The following PINX1 variants were observed in gnomAD, a reference collection of about 807,000 sequenced individuals.
PINX1 encodes PIN2 (TERF1) interacting telomerase inhibitor 1.
A neutral mutation model predicts 25.4 loss-of-function variants in PINX1; 34 were observed. The observed-to-expected ratio is 1.34, with a 90% CI of 1.02 to 1.78. The LOEUF is 1.78. PINX1 is among the 40% of genes most tolerant of loss of function. The pLI is 0.00. For synonymous variants in PINX1, 197 were observed against 147.7 expected (o/e 1.33, Z -2.42); for missense variants, 592 against 404.9 (o/e 1.46, Z -3.97).
intron 4 of PINX1, among the ~76,000 whole-genome samples, chr8:10,831,118 A>C (rs1172104674): frequency 6.6e-6 from 1 of 152,228 alleles, no homozygotes; most frequent in African/African-American, 2.4e-5. Flanking sequence ...ACCCTTACGA[A>C]AGAATGAGAG....
At chr8:10,814,994 C>T (rs779145210) in intron 6 of PINX1, among the ~76,000 whole-genome samples, 4 of 152,164 alleles carry the variant, frequency 2.6e-5, no homozygotes, top group Non-Finnish European at 5.9e-5. Flanking sequence ...GGCTGGAGTG[C>T]GATGGCGTGA....
At chr8:10,791,961 G>C (rs898467904) in intron 6 of PINX1, among the ~76,000 whole-genome samples, 18 of 152,138 alleles carry the variant, frequency 1.2e-4, no homozygotes, top group African/African-American at 4.3e-4. Context: ...TCTCCACAGA[G>C]GTGCCAGTTA....
intron 6 of PINX1, among the ~76,000 whole-genome samples, chr8:10,810,208 G>A (rs990385685): frequency 2.4e-4 from 36 of 152,322 alleles, no homozygotes; most frequent in African/African-American, 8.7e-4. Flanking sequence ...GGGGTTTGGA[G>A]GGGACACACG....
At chr8:10,833,061 C>T in intron 2 of PINX1, 77 bp from the exon 3 acceptor site, 1 of 849,830 alleles carries the variant, frequency 1.2e-6, no homozygotes, top group Non-Finnish European at 1.9e-6. Context: ...ACAAAACTCA[C>T]AGATGCCTAC....
chr8:10,792,108 G>A (rs1422759894), intron 6 of PINX1, among the ~76,000 whole-genome samples: 1 of 152,164 alleles, frequency 6.6e-6, no homozygotes, highest in East Asian at 1.9e-4. Flanking sequence ...TCTGGATAAA[G>A]GTCCAGCTAT....
chr8:10,834,599 G>A (rs1286943607), intron 2 of PINX1, 67 bp downstream of exon 2: 2 of 1,562,582 alleles, frequency 1.3e-6, no homozygotes, highest in African/African-American at 2.7e-5. Context: ...TCCTAAGAAG[G>A]AAGTTTTCCC....
rs192965317 is a variant in PINX1 at position 10,810,237 on chromosome 8, C to T, written c.471+9956G>A. On this transcript the variant is annotated intron_variant, in intron 6 of 6. Transcript: ENST00000314787. ...ACACACGTCCAAACCATATCAGAAGCCTTCAGACAAGACACTACTGTTTCC... is the reference window on the plus strand; with the variant it reads ...ACACACGTCCAAACCATATCAGAAGTCTTCAGACAAGACACTACTGTTTCC... Among the ~76,000 whole-genome samples, 3 of 152,322 alleles carry T rather than the reference C, an allele frequency of 2.0e-5. No homozygotes were observed. The East Asian group carries it at 5.8e-4, about 29-fold the overall frequency.
At chr8:10,839,610 C>CCATGCG in intron 1 of PINX1, 128 bp downstream of exon 1, 3 of 950,266 alleles carry the variant, frequency 3.2e-6, no homozygotes, top group Non-Finnish European at 4.9e-6. Context: ...GGCTCGGCTC[C>CCATGCG]CCGGTCCCCC....
At chr8:10,837,614 A>ATG (rs1212722940) in intron 1 of PINX1, among the ~76,000 whole-genome samples, 6 of 152,150 alleles carry the variant, frequency 3.9e-5, no homozygotes, top group African/African-American at 1.4e-4. Flanking sequence ...ACTATTTGGG[A>ATG]AGTATTTAAC....
intron 1 of PINX1, among the ~76,000 whole-genome samples, chr8:10,834,981 A>G (rs1326334743): frequency 6.6e-6 from 1 of 152,264 alleles, no homozygotes; most frequent in East Asian, 1.9e-4. Flanking sequence ...TTCTAGACAT[A>G]TAAGTTGACC....
At position 10,765,238 on chromosome 8, in the gene PINX1, TG is replaced by T. The variant is rs1245375780; in HGVS notation, c.*162del. On this transcript the variant is annotated 3_prime_UTR_variant, in exon 7 of 7. Transcript: ENST00000314787. ...AAAAGGTCCTCCTGGGAATGTAACT[TG>T]GGGGAAATGTGGCGAGAGGGCAGGA... The T allele has an allele frequency of 6.7e-6, 4 of 593,218 alleles. No individual in the cohort carries two copies. The highest frequency in any genetic ancestry group is 1.1e-5 in the Non-Finnish European group (4 of 351,314). The allele number at this position is 593,218 out of a possible 1,614,324, so 36.7% of individuals were successfully genotyped here.
Position 10,832,988 on chromosome 8 carries a change from T to G in PINX1, c.130-4A>C. The G allele has an allele frequency of 1.9e-6, 3 of 1,591,796 alleles. No individual in the cohort carries two copies. The highest frequency in any genetic ancestry group is 2.6e-6 in the Non-Finnish European group (3 of 1,163,332). ...CTTGCTCCTGAGCCCCTAAACCCTG[T>G]GGAGATTAAACACAGAGAGTTAGAA... On this transcript the variant is annotated splice_region_variant and splice_polypyrimidine_tract_variant and intron_variant, in intron 2 of 6. Coordinates refer to ENST00000314787, the MANE Select transcript of PINX1 (RefSeq NM_017884.6).
At chr8:10,824,217 G>C (rs1023433974) in intron 5 of PINX1, among the ~76,000 whole-genome samples, 1 of 152,214 alleles carries the variant, frequency 6.6e-6, no homozygotes, top group Non-Finnish European at 1.5e-5. Flanking sequence ...GAAATGGGTA[G>C]GTGACTTGTC....
chr8:10,801,590 G>A (rs1802264782), intron 6 of PINX1, among the ~76,000 whole-genome samples: 1 of 152,182 alleles, frequency 6.6e-6, no homozygotes, highest in Non-Finnish European at 1.5e-5. Context: ...GAAGTCCAGG[G>A]AAGACCTAGA....
intron 6 of PINX1, among the ~76,000 whole-genome samples, chr8:10,775,569 C>T (rs1032261157): frequency 6.6e-6 from 1 of 152,036 alleles, no homozygotes; most frequent in Non-Finnish European, 1.5e-5. Flanking sequence ...TGTCAAACTA[C>T]TAGAAAAGCT....
chr8:10,800,992 G>A (rs1026057417), intron 6 of PINX1, among the ~76,000 whole-genome samples: 4 of 152,162 alleles, frequency 2.6e-5, no homozygotes, highest in Admixed American at 1.3e-4. Context: ...GGAGTCCCTG[G>A]CATCAGTCTC....
rs116288540 is a variant in PINX1 at position 10,779,548 on chromosome 8, C to T, written c.472-13632G>A. 1.6e-3 allele frequency among the ~76,000 whole-genome samples: 250 copies of T among 152,268 alleles called. 1 individual carries two copies. The highest frequency in any genetic ancestry group is 5.9e-3 in the African/African-American group (244 of 41,550). ...CAAAACAAACCCTCTGAATCTCTCT[C>T]TCTCTTTTTTTAAAATGATCAAGTT... On this transcript the variant is annotated intron_variant, in intron 6 of 6. Transcript: ENST00000314787.
intron 6 of PINX1, among the ~76,000 whole-genome samples, chr8:10,792,634 A>G (rs1275107550): frequency 6.6e-6 from 1 of 152,190 alleles, no homozygotes; most frequent in African/African-American, 2.4e-5. Flanking sequence ...AAAGGCTTGC[A>G]GATGGTACAC....
intron 6 of PINX1, among the ~76,000 whole-genome samples, chr8:10,805,375 A>G (rs565332521): frequency 1.2e-4 from 19 of 152,368 alleles, no homozygotes; most frequent in African/African-American, 3.6e-4. Flanking sequence ...GGAATGGCAT[A>G]TTTCCATGAT....
Sources: allele counts gnomAD v4.1 joint callset (sites outside exome capture counted in the v4.1 genomes callset), GRCh38; gene constraint gnomAD v4.1.1; transcripts MANE v1.5; gene names NCBI Gene and HGNC (gene_info 2026-07-23, HGNC 2026-07-21).